TSPAN14: variants seen among roughly 807,000 people sequenced by gnomAD.
TSPAN14 encodes tetraspanin-14.
TSPAN14 carries 16 observed loss-of-function variants against 36.6 expected under a neutral mutation model. The ratio of observed to expected loss-of-function variants is 0.44; its 90% CI spans 0.30 to 0.66. The LOEUF (loss-of-function observed/expected upper bound fraction) is 0.66. TSPAN14 is among the 30% of genes least tolerant of loss of function. The pLI is 0.12. For synonymous variants in TSPAN14, 139 were observed against 143.8 expected, an observed-to-expected ratio of 0.97 and a Z score of 0.24; for missense variants, 231 against 355.1, an observed-to-expected ratio of 0.65 and a Z score of 2.81.
intron 1 of TSPAN14, among the ~76,000 whole-genome samples, chr10:80,468,274 A>G (rs1273365357): frequency 6.6e-6 from 1 of 151,982 alleles, no homozygotes; most frequent in Non-Finnish European, 1.5e-5. Flanking sequence ...TCACTGCTCT[A>G]GGCTGTGTTT....
At chr10:80,511,744 CTCTCTCTCTCTCTCTCTCTCTCTCTCT>C (rs1840651969) in intron 5 of TSPAN14, among the ~76,000 whole-genome samples, 1 of 148,084 alleles carries the variant, frequency 6.8e-6, no homozygotes, top group African/African-American at 2.5e-5. Flanking sequence ...CTCTCTCTCT[CTCTCTCTCTCTCTCTCTCTCTCTCTCT>C]CCCCTTTTTT....
intron 1 of TSPAN14, among the ~76,000 whole-genome samples, chr10:80,479,706 T>G (rs1032916459): frequency 2.0e-5 from 3 of 152,046 alleles, no homozygotes; most frequent in African/African-American, 7.3e-5. Context: ...CCTTGTAGTA[T>G]AGTTTGAAGT....
At position 80,512,631 on chromosome 10, in the gene TSPAN14, C is replaced by T. The variant is rs144592833; in HGVS notation, c.576+362C>T. 9.7e-3 allele frequency among the ~76,000 whole-genome samples: 1,484 copies of T among 152,266 alleles called. 12 individuals carry two copies. The highest frequency in any genetic ancestry group is 0.015 in the Non-Finnish European group (1,041 of 68,018). ...CAGATTCCTAGAACTCAACAGTGCA[C>T]GGGGGCTGTGGGTACACATCATTAA... On this transcript the variant is annotated intron_variant, in intron 6 of 8. Transcript: ENST00000429989.
In TSPAN14 at chr10:80,509,603, T is replaced by A; in HGVS notation, c.450+132T>A. The A allele has an allele frequency of 1.1e-6, 1 of 927,774 alleles. No homozygotes were observed. Among genetic ancestry groups the A allele is most frequent in the Non-Finnish European group, 1.6e-6 (1 of 628,748 alleles). The allele number at this position is 927,774 out of a possible 1,614,324, so 57.5% of individuals were successfully genotyped here. A position where few individuals can be genotyped will look rare whatever the true frequency, so the allele number is the denominator to read the frequency against. On this transcript the variant is annotated intron_variant, in intron 5 of 8. Transcript: ENST00000429989. The surrounding 1 kb of genome is among the most constrained non-coding windows in gnomAD (Gnocchi z 4.7). Reference sequence around the variant, plus strand: ...AGCTTGGCAGACAGCAGGGAGGCCGTGGAACAAGCCACTCCACCTCTGGTC... The same window carrying A: ...AGCTTGGCAGACAGCAGGGAGGCCGAGGAACAAGCCACTCCACCTCTGGTC...
chr10:80,486,427 A>G (rs1450117974), intron 1 of TSPAN14, among the ~76,000 whole-genome samples: 4 of 152,244 alleles, frequency 2.6e-5, no homozygotes, highest in African/African-American at 9.6e-5. Context: ...GAGGTGAGCC[A>G]CCAACACTGT....
chr10:80,476,738 GT>G (rs1031683454), intron 1 of TSPAN14, among the ~76,000 whole-genome samples: 19 of 151,234 alleles, frequency 1.3e-4, no homozygotes, highest in Admixed American at 5.9e-4. Context: ...GTTTTGTTTT[GT>G]TTTTTTTTAT....
intron 1 of TSPAN14, among the ~76,000 whole-genome samples, chr10:80,486,354 A>G (rs1322250045): frequency 6.6e-6 from 1 of 152,236 alleles, no homozygotes; most frequent in Non-Finnish European, 1.5e-5. Flanking sequence ...AGGGACCGTC[A>G]GGTTGAGATT....
At chr10:80,505,834 G>C (rs999214238) in intron 3 of TSPAN14, among the ~76,000 whole-genome samples, 2 of 152,220 alleles carry the variant, frequency 1.3e-5, no homozygotes, top group Admixed American at 1.3e-4. Context: ...TGAATCTGTC[G>C]ATCTAAAATA....
At chr10:80,457,022 G>A (rs1589227014) in intron 1 of TSPAN14, among the ~76,000 whole-genome samples, 1 of 152,018 alleles carries the variant, frequency 6.6e-6, no homozygotes, top group Non-Finnish European at 1.5e-5. Context: ...AGATCGCGCC[G>A]TTGCACTCCA....
chr10:80,515,987 G>A, intron 7 of TSPAN14: 1 of 597,568 alleles, frequency 1.7e-6, no homozygotes, highest in Non-Finnish European at 2.9e-6. Context: ...CAGCCAGGGA[G>A]CCTTTGGTCA....
chr10:80,510,167 C>T (rs1254623877), intron 5 of TSPAN14, among the ~76,000 whole-genome samples: 1 of 152,244 alleles, frequency 6.6e-6, no homozygotes, highest in African/African-American at 2.4e-5. Flanking sequence ...CAATGCAAGG[C>T]TCTTGTTTGA....
intron 8 of TSPAN14, among the ~76,000 whole-genome samples, 162 bp downstream of exon 8, chr10:80,516,485 G>A (rs1350495670): frequency 6.6e-6 from 1 of 152,192 alleles, no homozygotes; most frequent in Admixed American, 6.5e-5. Flanking sequence ...GAGTGTATGC[G>A]TGTAAGTGTA....
In TSPAN14 at chr10:80,507,383, C is replaced by A; in HGVS notation, c.279+9C>A. 1 of 1,614,104 alleles carries A rather than the reference C, an allele frequency of 6.2e-7. No individual in the cohort carries two copies. The highest frequency in any genetic ancestry group is 8.5e-7 in the Non-Finnish European group (1 of 1,180,004). On this transcript the variant is annotated intron_variant, in intron 4 of 8. Transcript: ENST00000429989. Reference sequence around the variant, plus strand: ...TCTGCTTGCTCAACTTTGTGAGTGGCCACAGAGACAAGAGTGGGATAGGAT... The same window carrying A: ...TCTGCTTGCTCAACTTTGTGAGTGGACACAGAGACAAGAGTGGGATAGGAT...
chr10:80,504,553 C>G (rs1840183061), intron 2 of TSPAN14, among the ~76,000 whole-genome samples, 175 bp from the exon 3 acceptor site: 1 of 152,176 alleles, frequency 6.6e-6, no homozygotes, highest in South Asian at 2.1e-4. Flanking sequence ...GGAGTTTGTC[C>G]AGATATTCAG....
At chr10:80,483,939 AAAAAAAAAAAAAG>A (rs1847441217) in intron 1 of TSPAN14, among the ~76,000 whole-genome samples, 1 of 145,350 alleles carries the variant, frequency 6.9e-6, no homozygotes, top group Non-Finnish European at 1.5e-5. Context: ...AAAAAAAAAA[AAAAAAAAAAAAAG>A]TGTAAAATAG....
At chr10:80,492,669 A>G (rs1251364061) in intron 2 of TSPAN14, among the ~76,000 whole-genome samples, 1 of 152,140 alleles carries the variant, frequency 6.6e-6, no homozygotes, top group African/African-American at 2.4e-5. Context: ...ACAAAAAATT[A>G]GCCGGGCGTG....
chr10:80,506,460 G>T (rs1840306897), intron 3 of TSPAN14, among the ~76,000 whole-genome samples: 1 of 152,200 alleles, frequency 6.6e-6, no homozygotes, highest in Admixed American at 6.5e-5. Context: ...ATCAGTGACT[G>T]GAAGGGGGGC....
intron 2 of TSPAN14, among the ~76,000 whole-genome samples, chr10:80,490,533 G>T (rs975974347): frequency 6.6e-6 from 1 of 152,202 alleles, no homozygotes; most frequent in Non-Finnish European, 1.5e-5. Flanking sequence ...GGTGCAGGGA[G>T]GTGAAGAAGG....
chr10:80,501,247 C>T (rs965016465), intron 2 of TSPAN14, among the ~76,000 whole-genome samples: 2 of 149,668 alleles, frequency 1.3e-5, no homozygotes, highest in Non-Finnish European at 1.5e-5. Context: ...GCTGGGAATA[C>T]AGGCATTTTT....
Sources: allele counts gnomAD v4.1 joint callset (sites outside exome capture counted in the v4.1 genomes callset), GRCh38; gene constraint gnomAD v4.1.1; non-coding constraint Gnocchi (gnomAD v3.1); transcripts MANE v1.5; gene names NCBI Gene and HGNC (gene_info 2026-07-23, HGNC 2026-07-21).